The following DNAH11 variants were observed in gnomAD, a reference collection of about 807,000 sequenced individuals.
The protein encoded by DNAH11 is dynein axonemal heavy chain 11, also known as axonemal beta dynein heavy chain 11.
Under a neutral mutation model 526.0 loss-of-function variants are expected in DNAH11, and 442 were observed. That is an observed-to-expected ratio of 0.84 (90% CI 0.78 to 0.91). DNAH11 has a LOEUF of 0.91. DNAH11 is among the 40% of genes least tolerant of loss of function. The pLI, the probability that DNAH11 is intolerant of heterozygous loss-of-function variation, is 0.00. For missense variants in DNAH11, 6,989 were observed against 5,448.7 expected (o/e 1.28, Z -8.90); for synonymous variants, 2,461 against 1,935.9 (o/e 1.27, Z -7.12).
chr7:21,681,943 C>T (rs1024078113), intron 31 of DNAH11, among the ~76,000 whole-genome samples: 1 of 152,152 alleles, frequency 6.6e-6, no homozygotes, highest in Admixed American at 6.5e-5. Flanking sequence ...AGTGGAAGAA[C>T]CGTGAGAAAT....
intron 49 of DNAH11, among the ~76,000 whole-genome samples, chr7:21,743,164 C>T (rs1357121581): frequency 2.0e-5 from 3 of 152,196 alleles, no homozygotes; most frequent in Non-Finnish European, 4.4e-5. Context: ...GGTGACTTGG[C>T]AGTGGAAGCA....
At chr7:21,652,642 C>T (rs1781830762) in intron 28 of DNAH11, among the ~76,000 whole-genome samples, 1 of 152,126 alleles carries the variant, frequency 6.6e-6, no homozygotes, top group South Asian at 2.1e-4. Flanking sequence ...AGGTTTCTCC[C>T]ATTGATCATT....
chr7:21,650,017 T>C (rs886446536), intron 28 of DNAH11, among the ~76,000 whole-genome samples: 4 of 152,180 alleles, frequency 2.6e-5, no homozygotes, highest in African/African-American at 9.7e-5. Context: ...CTTACTTTGT[T>C]AAAATTTATT....
chr7:21,718,109 T>C (rs1226344253), intron 43 of DNAH11, among the ~76,000 whole-genome samples, 184 bp downstream of exon 43: 1 of 145,994 alleles, frequency 6.8e-6, no homozygotes, highest in African/African-American at 2.5e-5. Flanking sequence ...CAAACCTCTA[T>C]CACATTCTGT....
chr7:21,686,995 T>C (rs1157293531), intron 32 of DNAH11, 104 bp from the exon 33 acceptor site: 40 of 1,050,152 alleles, frequency 3.8e-5, no homozygotes, highest in Non-Finnish European at 5.0e-5. Flanking sequence ...TATGCTACTA[T>C]CACATTCTAG....
intron 73 of DNAH11, among the ~76,000 whole-genome samples, chr7:21,870,272 G>T (rs1048406021): frequency 6.6e-6 from 1 of 152,162 alleles, no homozygotes; most frequent in Non-Finnish European, 1.5e-5. Flanking sequence ...AGTGTCTCCA[G>T]TATCCAGGCT....
chr7:21,714,036 C>T (rs1164561418), intron 42 of DNAH11, among the ~76,000 whole-genome samples: 3 of 152,160 alleles, frequency 2.0e-5, no homozygotes, highest in Non-Finnish European at 4.4e-5. Flanking sequence ...AGACCTCTTA[C>T]CCCTCCTGGG....
intron 20 of DNAH11, among the ~76,000 whole-genome samples, chr7:21,612,609 A>C (rs995462542): frequency 6.6e-6 from 1 of 151,396 alleles, no homozygotes. Flanking sequence ...TTTACAGGTG[A>C]ATCTTAAGAA....
At position 21,748,675 on chromosome 7, in the gene DNAH11, C is replaced by T. The variant is rs2128492615; in HGVS notation, c.8606C>T (p.Ala2869Val). 3 of 1,613,640 alleles carry T rather than the reference C, an allele frequency of 1.9e-6. No homozygotes were observed. The highest frequency in any genetic ancestry group is 2.5e-6 in the Non-Finnish European group (3 of 1,179,708). ...AAGCAGAGCTTGTCCAGGCTGGCAG[C>T]TTACCTTCGTGGCCTTGAGGTCTTT... ...SGKQSLSRLA[A>V]YLRGLEVFQI... Residue 2869 changes from alanine (A) to valine (V), a missense_variant, in exon 52 of 82, where the codon GCT (alanine) becomes GTT (valine). Coordinates refer to ENST00000409508, the MANE Select transcript of DNAH11 (RefSeq NM_001277115.2).
intron 67 of DNAH11, 70 bp from the exon 68 acceptor site, chr7:21,854,245 C>G: frequency 6.5e-7 from 1 of 1,532,984 alleles, no homozygotes; most frequent in Admixed American, 2.1e-5. Flanking sequence ...GTACGTCCTT[C>G]CATTCCTTGG....
At chr7:21,807,381 C>T (rs1369368398) in intron 62 of DNAH11, among the ~76,000 whole-genome samples, 1 of 152,172 alleles carries the variant, frequency 6.6e-6, no homozygotes, top group African/African-American at 2.4e-5. Flanking sequence ...TGCCTATAGT[C>T]CCAGCTACTT....
At chr7:21,649,479 C>A (rs1362606191) in intron 28 of DNAH11, among the ~76,000 whole-genome samples, 2 of 151,934 alleles carry the variant, frequency 1.3e-5, no homozygotes, top group South Asian at 4.2e-4. Flanking sequence ...ATGAAGAAAA[C>A]CTAGTGGTAT....
At chr7:21,639,091 A>T (rs765574746) in intron 28 of DNAH11, 26 bp downstream of exon 28, 1 of 1,600,416 alleles carries the variant, frequency 6.2e-7, no homozygotes, top group Non-Finnish European at 8.5e-7. Flanking sequence ...AAAGTCTCGT[A>T]TTATACTGTG....
chr7:21,595,942 G>C (rs2128445306), intron 14 of DNAH11, among the ~76,000 whole-genome samples: 1 of 152,254 alleles, frequency 6.6e-6, no homozygotes, highest in South Asian at 2.1e-4. Flanking sequence ...AGGAAAACCA[G>C]GACAGGAAGC....
intron 14 of DNAH11, among the ~76,000 whole-genome samples, chr7:21,595,387 G>A (rs796600717): frequency 1.2e-4 from 18 of 152,332 alleles, no homozygotes; most frequent in Admixed American, 3.9e-4. Context: ...GCACAGGCAC[G>A]TAACAGATGA....
Position 21,780,083 on chromosome 7 carries a change from A to C in DNAH11, c.9483+979A>C, listed in dbSNP as rs529867457. On this transcript the variant is annotated intron_variant, in intron 57 of 81. Transcript: ENST00000409508. ...TTCCTTGCACAACTAAAGGCTTGAAAAGTATATTGAACATCAAAACTCTAA... is the reference window on the plus strand; with the variant it reads ...TTCCTTGCACAACTAAAGGCTTGAACAGTATATTGAACATCAAAACTCTAA... Among the ~76,000 whole-genome samples, 27 of 152,194 alleles carry C rather than the reference A, an allele frequency of 1.8e-4. No individual in the cohort carries two copies. The South Asian group carries it at 5.4e-3, about 30-fold the overall frequency.
rs1329705225 is a variant in DNAH11 at position 21,690,749 on chromosome 7, A to G, written c.5925-16A>G. The G allele has an allele frequency of 1.3e-6, 2 of 1,577,118 alleles. No individual in the cohort carries two copies. The highest frequency in any genetic ancestry group is 1.7e-5 in the Admixed American group (1 of 58,016). ...AATGAACACATTTAATTTCATCAACATTCTTTTTATGGTAGATTTGTATTT... is the reference window on the plus strand; with the variant it reads ...AATGAACACATTTAATTTCATCAACGTTCTTTTTATGGTAGATTTGTATTT... On this transcript the variant is annotated splice_polypyrimidine_tract_variant and intron_variant, in intron 34 of 81. Coordinates refer to ENST00000409508, the MANE Select transcript of DNAH11 (RefSeq NM_001277115.2).
At chr7:21,740,811 T>C (rs1396715157) in intron 48 of DNAH11, among the ~76,000 whole-genome samples, 2 of 152,240 alleles carry the variant, frequency 1.3e-5, no homozygotes, top group Non-Finnish European at 2.9e-5. Context: ...CTGTTTTCCA[T>C]GACAACTATA....
intron 76 of DNAH11, among the ~76,000 whole-genome samples, chr7:21,889,284 T>C (rs890918540): frequency 6.6e-5 from 10 of 152,266 alleles, no homozygotes; most frequent in African/African-American, 2.4e-4. Flanking sequence ...CACATTTTGT[T>C]TATCTCATCT....
Sources: allele counts gnomAD v4.1 joint callset (sites outside exome capture counted in the v4.1 genomes callset), GRCh38; gene constraint gnomAD v4.1.1; transcripts MANE v1.5; gene names NCBI Gene and HGNC (gene_info 2026-07-23, HGNC 2026-07-21).